The following WIPF3 variants were observed in gnomAD, a reference collection of about 807,000 sequenced individuals.
WIPF3 encodes the protein WAS/WASL-interacting protein family member 3.
In WIPF3, 33 loss-of-function variants were observed where a neutral mutation model predicts 38.9. The ratio of observed to expected loss-of-function variants is 0.85; its 90% CI spans 0.64 to 1.14. The LOEUF is 1.14. Among genes scored for constraint, WIPF3 ranks in the 50% most tolerant of loss-of-function variants. WIPF3 has a pLI of 0.00. For missense variants in WIPF3, 711 were observed against 652.5 expected (o/e 1.09, Z -0.98); for synonymous variants, 324 against 269.3 (o/e 1.20, Z -1.99).
At position 29,884,106 on chromosome 7, in the gene WIPF3, C is replaced by A; in HGVS notation, c.612C>A (p.Pro204=). The A allele has an allele frequency of 1.3e-6, 2 of 1,522,458 alleles. No homozygotes were observed. Among genetic ancestry groups the A allele is most frequent in the Non-Finnish European group, 8.8e-7 (1 of 1,132,074 alleles). 94.3% of individuals were successfully genotyped at this position (1,522,458 alleles called of 1,614,324 possible). ...TCAAAACTCCGCTTGTGTCCCCACC[C>A]GGCCCACTGACCAAAGGGAACCTCC... ...SPIKTPLVSP[P]GPLTKGNLPV... The change falls in exon 5 of 9, where the codon CCC becomes CCA. Residue 204 remains proline, a synonymous_variant. Coordinates refer to ENST00000242140, the MANE Select transcript of WIPF3 (RefSeq NM_001080529.3).
intron 8 of WIPF3, among the ~76,000 whole-genome samples, chr7:29,911,935 A>G (rs1016697539): frequency 5.9e-5 from 9 of 152,208 alleles, no homozygotes; most frequent in African/African-American, 2.2e-4. Flanking sequence ...AGCAAACTGG[A>G]TTTCATGAAA....
rs572798556 is a variant in WIPF3 at position 29,875,876 on chromosome 7, G to A, written c.137G>A (p.Arg46Gln). The A allele has an allele frequency of 2.4e-5, 38 of 1,614,080 alleles. No individual in the cohort carries two copies. The highest frequency in any genetic ancestry group is 6.7e-5 in the East Asian group (3 of 44,886). ...SSLRRADPKG[R>Q]SALLADIQQG... ...TTGCGAAGGGCAGATCCGAAAGGCCGGAGTGCGCTGTTGGCTGATATCCAG... is the reference window on the plus strand; with the variant it reads ...TTGCGAAGGGCAGATCCGAAAGGCCAGAGTGCGCTGTTGGCTGATATCCAG... The change falls in exon 3 of 9, where the codon CGG (arginine) becomes CAG (glutamine). Residue 46 changes from arginine to glutamine, a missense_variant. Coordinates refer to ENST00000242140, the MANE Select transcript of WIPF3 (RefSeq NM_001080529.3).
At chr7:29,866,085 C>A (rs751137755) in intron 2 of WIPF3, among the ~76,000 whole-genome samples, 2 of 152,052 alleles carry the variant, frequency 1.3e-5, no homozygotes, top group East Asian at 3.9e-4. Context: ...CTTGAACCTG[C>A]GAGGTGGAGG....
At position 29,832,144 on chromosome 7, in the gene WIPF3, T is replaced by A. The variant is rs535074630; in HGVS notation, c.-57-2524T>A. ...GATGAGATCCTTATATAATGAGACCTCTAGATATTCTCGTTCTGTTAATAC... is the reference window on the plus strand; with the variant it reads ...GATGAGATCCTTATATAATGAGACCACTAGATATTCTCGTTCTGTTAATAC... On this transcript the variant is annotated intron_variant, in intron 1 of 8. Coordinates refer to ENST00000242140, the MANE Select transcript of WIPF3 (RefSeq NM_001080529.3). Among the ~76,000 whole-genome samples the A allele has an allele frequency of 9.2e-5, 14 of 152,354 alleles. No homozygotes were observed. The East Asian group carries it at 2.7e-3, about 29-fold the overall frequency.
At chr7:29,831,281 C>G (rs1026740783) in intron 1 of WIPF3, among the ~76,000 whole-genome samples, 1 of 152,214 alleles carries the variant, frequency 6.6e-6, no homozygotes, top group African/African-American at 2.4e-5. Flanking sequence ...TCAGACATGA[C>G]TCCTAGTGCC....
intron 7 of WIPF3, among the ~76,000 whole-genome samples, chr7:29,901,848 A>G (rs920476231): frequency 1.4e-3 from 41 of 28,504 alleles, no homozygotes; most frequent in African/African-American, 2.8e-3. Context: ...AAAAAAAAAA[A>G]AGAAAGAAAG....
intron 4 of WIPF3, among the ~76,000 whole-genome samples, chr7:29,882,557 C>T (rs187098208): frequency 6.6e-6 from 1 of 152,322 alleles, no homozygotes; most frequent in East Asian, 1.9e-4. Flanking sequence ...TACTTAGCTT[C>T]ACCTGAGTCA....
chr7:29,888,344 G>A lies in WIPF3; in HGVS notation c.1249+127G>A, dbSNP rs1015137354. The A allele has an allele frequency of 5.4e-5, 67 of 1,233,796 alleles. 2 individuals are homozygous for A. In the Admixed American group the frequency reaches 1.6e-3, roughly 29 times the overall value. 76.4% of individuals were successfully genotyped at this position (1,233,796 alleles called of 1,614,324 possible). A position where few individuals can be genotyped will look rare whatever the true frequency, so the allele number is the denominator to read the frequency against. The stretch of plus-strand genomic sequence containing the variant: ...GTGCATGCTTCTTTCATGAACAGGG[G>A]CTCACTCCAGCACCAACCAGCCCAT... On this transcript the variant is annotated intron_variant, in intron 6 of 8. Transcript: ENST00000242140.
intron 2 of WIPF3, among the ~76,000 whole-genome samples, chr7:29,839,758 C>T (rs141656436): frequency 1.1e-4 from 17 of 152,252 alleles, no homozygotes; most frequent in African/African-American, 2.2e-4. Context: ...GAAAAGTATA[C>T]GAAATTCATG....
At chr7:29,827,737 C>T (rs764929519) in intron 1 of WIPF3, among the ~76,000 whole-genome samples, 1 of 152,152 alleles carries the variant, frequency 6.6e-6, no homozygotes, top group Non-Finnish European at 1.5e-5. Context: ...TCAAAACATA[C>T]AAAGTTAGGA....
intron 7 of WIPF3, among the ~76,000 whole-genome samples, chr7:29,902,268 C>CTTTTTTTTT (rs1267369053): frequency 2.6e-5 from 3 of 117,312 alleles, no homozygotes; most frequent in Non-Finnish European, 5.1e-5. Context: ...TCTTCTTCTT[C>CTTTTTTTTT]TTCTTCTTTT....
chr7:29,900,655 C>T (rs1257552697), intron 7 of WIPF3, among the ~76,000 whole-genome samples: 1 of 152,200 alleles, frequency 6.6e-6, no homozygotes, highest in East Asian at 1.9e-4. Flanking sequence ...TTGTCATTTC[C>T]TTCACTTAGA....
At chr7:29,862,330 T>A (rs1227104045) in intron 2 of WIPF3, among the ~76,000 whole-genome samples, 1 of 152,168 alleles carries the variant, frequency 6.6e-6, no homozygotes, top group African/African-American at 2.4e-5. Flanking sequence ...GACTTGGTTG[T>A]TTCCGGATGT....
Position 29,878,511 on chromosome 7 carries a change from G to T in WIPF3, c.224-498G>T, listed in dbSNP as rs1478376765. On this transcript the variant is annotated intron_variant, in intron 3 of 8. Transcript: ENST00000242140. The surrounding 1 kb of genome is among the most constrained non-coding windows in gnomAD (Gnocchi z 4.0). Reference sequence around the variant, plus strand: ...GGGCTGGAGAGACAGGAAGGAAACTGCCAGGGCACAGTCATGGCAGGCTTT... The same window carrying T: ...GGGCTGGAGAGACAGGAAGGAAACTTCCAGGGCACAGTCATGGCAGGCTTT... Among the ~76,000 whole-genome samples, 1 of 152,150 alleles carries T rather than the reference G, an allele frequency of 6.6e-6. No individual in the cohort carries two copies. Among genetic ancestry groups the T allele is most frequent in the African/African-American group, 2.4e-5 (1 of 41,446 alleles).
intron 2 of WIPF3, among the ~76,000 whole-genome samples, chr7:29,867,175 C>A (rs1000328987): frequency 6.6e-6 from 1 of 152,178 alleles, no homozygotes; most frequent in Non-Finnish European, 1.5e-5. Flanking sequence ...CTTGTTAATT[C>A]CTTTACCCAA....
chr7:29,865,839 A>C (rs1045747992), intron 2 of WIPF3, among the ~76,000 whole-genome samples: 1 of 152,188 alleles, frequency 6.6e-6, no homozygotes, highest in African/African-American at 2.4e-5. Context: ...CTTTTCATGC[A>C]AAGGTCCTAG....
rs539378602 is a variant in WIPF3, at chr7:29,887,959, G to A, written c.1100-109G>A. The A allele has an allele frequency of 2.6e-4, 358 of 1,399,692 alleles. 3 individuals are homozygous for A. The East Asian group carries it at 8.1e-3, about 32-fold the overall frequency. The allele number at this position is 1,399,692 out of a possible 1,614,324, so 86.7% of individuals were successfully genotyped here. ...GACTCCAGAGGTTGCCCTTTTACTC[G>A]CTGTATCATATTACATCTGAAGATA... On this transcript the variant is annotated intron_variant, in intron 5 of 8. Coordinates refer to ENST00000242140, the MANE Select transcript of WIPF3 (RefSeq NM_001080529.3).
At chr7:29,894,919 G>GTT (rs60160111) in intron 7 of WIPF3, among the ~76,000 whole-genome samples, 14,083 of 146,312 alleles carry the variant, frequency 0.096, 925 homozygotes, top group Non-Finnish European at 0.14. Flanking sequence ...GTGTGTTGTT[G>GTT]TTTTTTTTTG....
intron 8 of WIPF3, chr7:29,906,007 A>T (rs1030958008): frequency 6.6e-6 from 1 of 152,224 alleles, no homozygotes; most frequent in Non-Finnish European, 1.5e-5. Context: ...GAGACAGCCT[A>T]CAACAATCAA....
Sources: allele counts gnomAD v4.1 joint callset (sites outside exome capture counted in the v4.1 genomes callset), GRCh38; gene constraint gnomAD v4.1.1; non-coding constraint Gnocchi (gnomAD v3.1); transcripts MANE v1.5; gene names NCBI Gene and HGNC (gene_info 2026-07-23, HGNC 2026-07-21).